The following SERPINB7 variants were observed in gnomAD, a reference collection of about 807,000 sequenced individuals.
SERPINB7 encodes serpin B7.
In SERPINB7, 31 loss-of-function variants were observed where a neutral mutation model predicts 37.4. That is an observed-to-expected ratio of 0.83 (90% CI 0.62 to 1.12). SERPINB7 has a LOEUF of 1.12. Among genes scored for constraint, SERPINB7 ranks in the 50% most tolerant of loss-of-function variants. SERPINB7 has a pLI of 0.00. For synonymous variants in SERPINB7, 163 were observed against 166.1 expected (o/e 0.98, Z 0.14); for missense variants, 521 against 455.3 (o/e 1.14, Z -1.31).
In SERPINB7 at chr18:63,758,863, C is replaced by T. The variant is rs117857684; in HGVS notation, c.-19+5743C>T. On this transcript the variant is annotated intron_variant, in intron 1 of 7. Transcript: ENST00000336429. The stretch of plus-strand genomic sequence containing the variant: ...CTCACAGAGTCCAAGTGTACTAAAG[C>T]GTGAAGAGCAAGAACTGTGCTGAGT... Among the ~76,000 whole-genome samples the T allele has an allele frequency of 3.1e-3, 472 of 152,260 alleles. 5 individuals are homozygous for T. The East Asian group carries it at 0.049, about 16-fold the overall frequency.
intron 1 of SERPINB7, among the ~76,000 whole-genome samples, chr18:63,780,095 C>T (rs1252304276): frequency 6.6e-6 from 1 of 152,068 alleles, no homozygotes; most frequent in Non-Finnish European, 1.5e-5. Context: ...TTAAAATACA[C>T]CCAATCTTCT....
chr18:63,765,540 C>G (rs1056394984), intron 1 of SERPINB7, among the ~76,000 whole-genome samples: 2 of 152,110 alleles, frequency 1.3e-5, no homozygotes, highest in African/African-American at 4.8e-5. Flanking sequence ...ACTAGCTTCC[C>G]TTCCCATTTA....
intron 1 of SERPINB7, among the ~76,000 whole-genome samples, chr18:63,761,118 G>T (rs889415762): frequency 1.3e-5 from 2 of 152,218 alleles, no homozygotes; most frequent in Non-Finnish European, 2.9e-5. Context: ...GAGGCAGGCT[G>T]TATCCTGCAA....
intron 3 of SERPINB7, 98 bp from the exon 4 acceptor site, chr18:63,793,063 T>C (rs2049445858): frequency 1.8e-6 from 1 of 548,000 alleles, no homozygotes; most frequent in African/African-American, 1.9e-5. Context: ...AAAAAATTCT[T>C]TTATGGTATA....
At chr18:63,788,953 C>A (rs2049399516) in intron 2 of SERPINB7, among the ~76,000 whole-genome samples, 1 of 152,104 alleles carries the variant, frequency 6.6e-6, no homozygotes, top group African/African-American at 2.4e-5. Flanking sequence ...GACAAAATCA[C>A]CTAACCATAC....
chr18:63,791,748 C>T (rs1004521535), intron 2 of SERPINB7, among the ~76,000 whole-genome samples: 1 of 151,698 alleles, frequency 6.6e-6, no homozygotes, highest in Admixed American at 6.6e-5. Context: ...GTAGCTGGGA[C>T]TATAGGCGCC....
chr18:63,753,451 C>T (rs573754265), intron 1 of SERPINB7, among the ~76,000 whole-genome samples: 16 of 152,266 alleles, frequency 1.1e-4, no homozygotes, highest in Admixed American at 5.2e-4. Context: ...TGCCTACTGA[C>T]GGCTGAATAG....
chr18:63,756,804 T>TTGCGTGTGTG (rs2049124685), intron 1 of SERPINB7, among the ~76,000 whole-genome samples: 1 of 137,264 alleles, frequency 7.3e-6, no homozygotes, highest in Non-Finnish European at 1.6e-5. Flanking sequence ...TTGGGGTAGC[T>TTGCGTGTGTG]TGTGTGTGTG....
intron 1 of SERPINB7, among the ~76,000 whole-genome samples, chr18:63,762,699 C>A (rs970742679): frequency 6.6e-6 from 1 of 152,150 alleles, no homozygotes; most frequent in African/African-American, 2.4e-5. Context: ...ACATTTGATA[C>A]TCACTTGTTC....
At chr18:63,768,223 T>C (rs1403108056) in intron 1 of SERPINB7, among the ~76,000 whole-genome samples, 1 of 152,084 alleles carries the variant, frequency 6.6e-6, no homozygotes, top group Non-Finnish European at 1.5e-5. Flanking sequence ...TGTCCTAGTT[T>C]CTTTAAGTGA....
intron 1 of SERPINB7, among the ~76,000 whole-genome samples, chr18:63,760,349 C>T (rs1426673844): frequency 1.3e-5 from 2 of 152,134 alleles, no homozygotes; most frequent in African/African-American, 4.8e-5. Context: ...AGGAGCAAAG[C>T]ATTCGAGAGG....
chr18:63,771,704 T>C (rs189895419), upstream of SERPINB7, among the ~76,000 whole-genome samples: 132 of 152,180 alleles, frequency 8.7e-4, 3 homozygotes, highest in Admixed American at 8.6e-3. Flanking sequence ...TTTACTTTTG[T>C]TTTTGATAAG....
At chr18:63,765,111 A>G (rs1319164232) in intron 1 of SERPINB7, among the ~76,000 whole-genome samples, 1 of 152,152 alleles carries the variant, frequency 6.6e-6, no homozygotes, top group African/African-American at 2.4e-5. Flanking sequence ...GTCACCTCCC[A>G]CAATTGTAGA....
chr18:63,770,872 T>TTCACACAC (rs2049206238), upstream of SERPINB7, among the ~76,000 whole-genome samples: 1 of 27,120 alleles, frequency 3.7e-5, no homozygotes, highest in Admixed American at 5.0e-4. Flanking sequence ...AGTCTGCACA[T>TTCACACAC]GCACACACAC....
In SERPINB7 at chr18:63,775,453, C is replaced by A. The variant is rs1157509227; in HGVS notation, c.-282C>A. ...AGCTGCCTGTGCAGAGTGCAGGCTG[C>A]ACCTTTGGACAGCCTTTAAAACTGA... On this transcript the variant is annotated 5_prime_UTR_variant, in exon 1 of 8. Transcript: ENST00000398019. 1 of 152,166 alleles carries A rather than the reference C, an allele frequency of 6.6e-6. No homozygotes were observed. The highest frequency in any genetic ancestry group is 6.5e-5 in the Admixed American group (1 of 15,276). 9.4% of individuals were successfully genotyped at this position (152,166 alleles called of 1,614,324 possible). A position where few individuals can be genotyped will look rare whatever the true frequency, so the allele number is the denominator to read the frequency against.
At chr18:63,791,196 G>A (rs143877376) in intron 2 of SERPINB7, among the ~76,000 whole-genome samples, 349 of 152,186 alleles carry the variant, frequency 2.3e-3, no homozygotes, top group African/African-American at 7.9e-3. Flanking sequence ...TGTAGATGAT[G>A]GGTTGATGGG....
At chr18:63,789,383 A>G (rs1018430540) in intron 2 of SERPINB7, among the ~76,000 whole-genome samples, 1 of 152,196 alleles carries the variant, frequency 6.6e-6, no homozygotes, top group Non-Finnish European at 1.5e-5. Flanking sequence ...CTATTTTCTG[A>G]CATAGGATGA....
intron 6 of SERPINB7, among the ~76,000 whole-genome samples, chr18:63,800,022 A>G (rs2049530435): frequency 6.6e-6 from 1 of 151,676 alleles, no homozygotes; most frequent in East Asian, 1.9e-4. Context: ...CCTTGCAGGA[A>G]TCTCTATTTT....
intron 1 of SERPINB7, among the ~76,000 whole-genome samples, chr18:63,781,295 A>C (rs372628542): frequency 8.5e-5 from 13 of 152,356 alleles, no homozygotes; most frequent in Admixed American, 4.6e-4. Flanking sequence ...GATCCTGTAC[A>C]TAGATCATCT....
Sources: allele counts gnomAD v4.1 joint callset (sites outside exome capture counted in the v4.1 genomes callset), GRCh38; gene constraint gnomAD v4.1.1; transcripts MANE v1.5; gene names NCBI Gene and HGNC (gene_info 2026-07-23, HGNC 2026-07-21).